MEI1: variants seen among roughly 807,000 people sequenced by gnomAD.
MEI1 encodes the protein meiotic double-stranded break formation protein 1.
MEI1 carries 103 observed loss-of-function variants against 146.2 expected under a neutral mutation model. The ratio of observed to expected loss-of-function variants is 0.70; its 90% CI spans 0.60 to 0.83. MEI1 has a LOEUF of 0.83. MEI1 is among the 40% of genes least tolerant of loss of function. The pLI, the probability that MEI1 is intolerant of heterozygous loss-of-function variation, is 0.00. For missense variants in MEI1, 1,529 were observed against 1,533.0 expected (o/e 1.00, Z 0.04); for synonymous variants, 652 against 628.2 (o/e 1.04, Z -0.57).
At position 41,705,502 on chromosome 22, in the gene MEI1, A is replaced by G; in HGVS notation, c.299-2A>G. 1.9e-6 allele frequency: 3 copies of G among 1,613,382 alleles called. No homozygotes were observed. The highest frequency in any genetic ancestry group is 2.5e-6 in the Non-Finnish European group (3 of 1,179,578). The stretch of plus-strand genomic sequence containing the variant: ...CCCTTTCTTACCTCCCTCTGCTCCA[A>G]GGACTATTATGCAGCATGGAAGATG... On this transcript the variant is annotated splice_acceptor_variant, in intron 2 of 30. Transcript: ENST00000401548. LOFTEE classifies it high-confidence loss of function.
chr22:41,719,016 A>C (rs2070482134), intron 6 of MEI1, among the ~76,000 whole-genome samples: 1 of 129,364 alleles, frequency 7.7e-6, no homozygotes, highest in African/African-American at 3.1e-5. Flanking sequence ...AGAGTCTCAC[A>C]CTGTTGCCCA....
chr22:41,732,258 G>A lies in MEI1; in HGVS notation c.1110G>A (p.Val370=). The A allele has an allele frequency of 1.9e-6, 3 of 1,610,484 alleles. No individual in the cohort carries two copies. In the South Asian group the frequency reaches 3.3e-5, roughly 18 times the overall value. ...ATCCTGTGGTAGGGATCGAGGCAGTGGTGAGGAGCCTGCAGGGAAGCCTGA... is the reference window on the plus strand; with the variant it reads ...ATCCTGTGGTAGGGATCGAGGCAGTAGTGAGGAGCCTGCAGGGAAGCCTGA... ...KCHTVYGIEA[V]VRSLQGSLKM... The change falls in exon 10 of 31, where the codon GTG becomes GTA. Residue 370 remains valine, a synonymous_variant. Coordinates refer to ENST00000401548, the MANE Select transcript of MEI1 (RefSeq NM_152513.4).
intron 26 of MEI1, among the ~76,000 whole-genome samples, chr22:41,789,547 C>T (rs560225432): frequency 1.3e-5 from 2 of 152,260 alleles, no homozygotes; most frequent in East Asian, 3.9e-4. Context: ...GCATTAAGTA[C>T]ATTCACATTG....
In MEI1 at chr22:41,776,162, T is replaced by C; in HGVS notation, c.2605T>C (p.Phe869Leu). The C allele has an allele frequency of 1.2e-6, 2 of 1,614,002 alleles. No homozygotes were observed. Among genetic ancestry groups the C allele is most frequent in the Non-Finnish European group, 1.7e-6 (2 of 1,179,862 alleles). Residue 869 changes from phenylalanine (F) to leucine (L), a missense_variant, in exon 21 of 31, where the codon TTC (phenylalanine) becomes CTC (leucine). By Grantham distance (22) the Phe-to-Leu change is conservative. This residue lies in a region of MEI1 where 1,212 missense variants were observed against 1,178.9 expected (regional missense o/e 1.03). Transcript: ENST00000401548. ...CAAGGTACTGATTAGCCTGAGGACC[T>C]TCCTGAGGAGGAATGAGGATATCCA... ...AHKVLISLRTFLRRNEDIQVG... is the reference protein window; with the variant it reads ...AHKVLISLRTLLRRNEDIQVG...
At chr22:41,730,105 A>G (rs1188200178) in intron 8 of MEI1, among the ~76,000 whole-genome samples, 1 of 152,152 alleles carries the variant, frequency 6.6e-6, no homozygotes, top group Non-Finnish European at 1.5e-5. Context: ...CATCTTCACT[A>G]TTTTATAGAT....
At chr22:41,716,253 T>C (rs1353540875) in intron 5 of MEI1, 107 bp downstream of exon 5, 2 of 728,704 alleles carry the variant, frequency 2.7e-6, no homozygotes, top group Admixed American at 2.6e-5. Flanking sequence ...ATTACTTTCC[T>C]GCTTTAGCCT....
intron 24 of MEI1, among the ~76,000 whole-genome samples, chr22:41,782,354 T>G (rs1299651925): frequency 2.0e-5 from 3 of 152,106 alleles, no homozygotes; most frequent in Non-Finnish European, 4.4e-5. Context: ...CCTGCGACCT[T>G]AAAGTGCAGC....
chr22:41,730,256 T>G (rs542355039), intron 8 of MEI1, among the ~76,000 whole-genome samples: 2 of 152,278 alleles, frequency 1.3e-5, no homozygotes, highest in East Asian at 3.9e-4. Flanking sequence ...TTAGGAGACT[T>G]AAGTTCCAAC....
In MEI1 at chr22:41,794,428, C is replaced by G. The variant is rs772342669; in HGVS notation, c.3485C>G (p.Ala1162Gly). The stretch of plus-strand genomic sequence containing the variant: ...TTTTTGCTGTTTACCCTCTTGGATG[C>G]TGGAGAGAATTCCTTCCTCAGACCT... ...NRFLLFTLLD[A>G]GENSFLRPEI... is the part of the protein sequence containing the mutation. The change falls in exon 28 of 31, where the codon GCT becomes GGT. Residue 1162 changes from alanine to glycine, a missense_variant. Physicochemically the swap from Ala to Gly is moderately conservative, Grantham distance 60 (BLOSUM62 0). Around this residue, in one of 3 missense-constraint regions of MEI1, gnomAD observed 313 missense variants for 337.3 expected, o/e 0.93. Coordinates refer to ENST00000401548, the MANE Select transcript of MEI1 (RefSeq NM_152513.4). The G allele has an allele frequency of 1.2e-6, 2 of 1,613,988 alleles. No individual in the cohort carries two copies. Among genetic ancestry groups the G allele is most frequent in the Admixed American group, 3.3e-5 (2 of 60,024 alleles).
Position 41,743,154 on chromosome 22 carries a change from G to T in MEI1, c.1406G>T (p.Cys469Phe), listed in dbSNP as rs776390618. The T allele has an allele frequency of 6.2e-7, 1 of 1,613,314 alleles. No homozygotes were observed. The highest frequency in any genetic ancestry group is 1.8e-4 in the Middle Eastern group (1 of 5,614). ...TTGCTAGAAGCCATGCTAAACCGAT[G>T]TGCGGAGTTTTCCCAGACCTTGCTG... is the stretch of plus-strand genomic sequence containing the variant. Reference protein sequence around the residue: ...QALLEAMLNRCAEFSQTLLSR... With the variant: ...QALLEAMLNRFAEFSQTLLSR... Residue 469 changes from cysteine (C) to phenylalanine (F), a missense_variant, in exon 12 of 31, where the codon TGT becomes TTT. This residue lies in a region of MEI1 where 1,212 missense variants were observed against 1,178.9 expected (regional missense o/e 1.03). Transcript: ENST00000401548.
Position 41,784,397 on chromosome 22 carries a change from A to G in MEI1, c.3146A>G (p.Lys1049Arg). 1.2e-6 allele frequency: 2 copies of G among 1,614,026 alleles called. No individual in the cohort carries two copies. The highest frequency in any genetic ancestry group is 1.7e-6 in the Non-Finnish European group (2 of 1,179,910). The change falls in exon 25 of 31, where the codon AAG becomes AGG. Residue 1049 changes from lysine to arginine, a missense_variant. By Grantham distance (26) the Lys-to-Arg change is conservative. Around this residue, in one of 3 missense-constraint regions of MEI1, gnomAD observed 313 missense variants for 337.3 expected, o/e 0.93. Transcript: ENST00000401548. ...GTATTGAAGGCTCTCAGCTTTCCAA[A>G]GAAAAAGGCTGCACTACTCTCAGGT... The part of the protein sequence containing the change: ...DQVLKALSFP[K>R]KKAALLSAAI...
At position 41,763,253 on chromosome 22, in the gene MEI1, CTGG is replaced by C. The variant is rs776945953; in HGVS notation, c.2205_2207del (p.Val736del). The stretch of plus-strand genomic sequence containing the variant: ...GCAGGACCAGGGCGAGCGCCCCCCA[CTGG>C]TGGTCTTCAAAGCCTCCATCTATCT... On this transcript the variant is annotated inframe_deletion, in exon 19 of 31. Transcript: ENST00000401548. 6.2e-7 allele frequency: 1 copy of C among 1,613,946 alleles called. No individual in the cohort carries two copies. The highest frequency in any genetic ancestry group is 1.7e-5 in the Admixed American group (1 of 60,020).
At position 41,718,192 on chromosome 22, in the gene MEI1, A is replaced by G; in HGVS notation, c.651A>G (p.Gly217=). 1.2e-6 allele frequency: 2 copies of G among 1,613,962 alleles called. No homozygotes were observed. The highest frequency in any genetic ancestry group is 1.7e-6 in the Non-Finnish European group (2 of 1,179,906). ...SSPVAAEMLS[G]HFREKLFPLF... Reference sequence around the variant, plus strand: ...CAGTGGCAGCTGAGATGCTTTCAGGACACTTCCGTGAGAAGCTTTTTCCCC... The same window carrying G: ...CAGTGGCAGCTGAGATGCTTTCAGGGCACTTCCGTGAGAAGCTTTTTCCCC... The change falls in exon 6 of 31, where the codon GGA becomes GGG. Residue 217 remains glycine, a synonymous_variant. Coordinates refer to ENST00000401548, the MANE Select transcript of MEI1 (RefSeq NM_152513.4).
At chr22:41,759,631 A>AT (rs879876018) in intron 18 of MEI1, among the ~76,000 whole-genome samples, 10,929 of 66,284 alleles carry the variant, frequency 0.16, 1,256 homozygotes, top group African/African-American at 0.51. Flanking sequence ...CTCCGTCTCA[A>AT]AAAATAAATA....
intron 6 of MEI1, chr22:41,722,273 A>G (rs2070921290): frequency 6.6e-6 from 1 of 151,390 alleles, no homozygotes; most frequent in Non-Finnish European, 1.5e-5. Context: ...TTTACAACCC[A>G]AGATCCTCAT....
At chr22:41,738,584 C>T (rs1180583301) in intron 11 of MEI1, among the ~76,000 whole-genome samples, 4 of 151,196 alleles carry the variant, frequency 2.6e-5, no homozygotes, top group African/African-American at 7.3e-5. Context: ...GAGACTCTGT[C>T]TCAAAAACAA....
chr22:41,789,255 T>G (rs975535711), intron 26 of MEI1, among the ~76,000 whole-genome samples: 9 of 152,124 alleles, frequency 5.9e-5, no homozygotes, highest in Non-Finnish European at 1.2e-4. Flanking sequence ...GAGGTTGCAG[T>G]GAGCCAAGAT....
chr22:41,795,808 CT>C lies in MEI1; in HGVS notation c.3741del (p.Ser1248AlafsTer48), dbSNP rs780468974. On this transcript the variant is annotated frameshift_variant, in exon 30 of 31. Transcript: ENST00000401548. LOFTEE classifies it high-confidence loss of function. The surrounding 1 kb of genome is among the most constrained non-coding windows in gnomAD (Gnocchi z 4.2). ...CAGGCCTCCTTGGAGGGCCTTCCCC[CT>C]AGCACCTCCTCAGGCCAGCCACCCC... ...TLQASLEGLP[P>X]STSSGQPPLQ... The C allele has an allele frequency of 1.2e-6, 2 of 1,613,678 alleles. No homozygotes were observed. Among genetic ancestry groups the C allele is most frequent in the Non-Finnish European group, 8.5e-7 (1 of 1,179,774 alleles).
intron 18 of MEI1, among the ~76,000 whole-genome samples, chr22:41,762,271 C>T (rs980455825): frequency 1.3e-5 from 2 of 151,920 alleles, no homozygotes; most frequent in Non-Finnish European, 2.9e-5. Flanking sequence ...CCATTCCTGT[C>T]CTGTCCTATC....
Sources: gnomAD v4.1 joint callset for allele counts (sites outside exome capture counted in the v4.1 genomes callset) on GRCh38, gnomAD v4.1.1 for gene constraint, gnomAD v4.1.1 regional missense constraint, Gnocchi (gnomAD v3.1) non-coding constraint, MANE v1.5 for transcripts, NCBI Gene and HGNC (gene_info 2026-07-23, HGNC 2026-07-21) for gene names.